The following COL5A2 variants were observed in gnomAD, a reference collection of about 807,000 sequenced individuals.
The protein encoded by COL5A2 is collagen alpha-2(V) chain.
Under a neutral mutation model 208.2 loss-of-function variants are expected in COL5A2, and 23 were observed. That is an observed-to-expected ratio of 0.11 (90% CI 0.08 to 0.16). COL5A2 has a LOEUF of 0.16. Ranked by LOEUF, COL5A2 falls within the 10% of genes least tolerant of loss-of-function variation. The pLI, the probability that COL5A2 is intolerant of heterozygous loss-of-function variation, is 1.00. For missense variants in COL5A2, 1,590 were observed against 1,956.4 expected (o/e 0.81, Z 3.53); for synonymous variants, 625 against 628.5 (o/e 0.99, Z 0.08).
At chr2:189,154,612 G>C (rs1371057400) in intron 1 of COL5A2, among the ~76,000 whole-genome samples, 2 of 152,154 alleles carry the variant, frequency 1.3e-5, no homozygotes, top group African/African-American at 4.8e-5. Flanking sequence ...AATGGCCTCT[G>C]TGGCCGTCAA....
intron 17 of COL5A2, 120 bp downstream of exon 17, chr2:189,075,273 C>T: frequency 1.4e-6 from 1 of 701,916 alleles, no homozygotes; most frequent in Non-Finnish European, 2.6e-6. Flanking sequence ...ACTATGTGTC[C>T]ATCAACTTTT....
the COL5A2 span, among the ~76,000 whole-genome samples, chr2:189,363,891 C>T: frequency 6.6e-6 from 1 of 152,178 alleles, no homozygotes; most frequent in Non-Finnish European, 1.5e-5. Flanking sequence ...CCTGCTATAA[C>T]CCACCGTGTT....
At chr2:189,381,682 T>C in the COL5A2 span, among the ~76,000 whole-genome samples, 1 of 152,094 alleles carries the variant, frequency 6.6e-6, no homozygotes, top group South Asian at 2.1e-4. Flanking sequence ...TGCGGTATGT[T>C]ATGCATTCTT....
At chr2:189,185,659 G>A (rs1381695575) in intron 1 of COL5A2, among the ~76,000 whole-genome samples, 1 of 152,164 alleles carries the variant, frequency 6.6e-6, no homozygotes, top group Non-Finnish European at 1.5e-5. Flanking sequence ...CATGTTCTGT[G>A]TAGACCTCTA....
intron 19 of COL5A2, 92 bp from the exon 20 acceptor site, chr2:189,068,362 G>A (rs921399349): frequency 4.6e-5 from 51 of 1,107,534 alleles, no homozygotes; most frequent in Non-Finnish European, 6.4e-5. Flanking sequence ...TCTTCAAAAA[G>A]GAAGTAGAAG....
rs5837121 is a variant in COL5A2 at position 189,058,904 on chromosome 2, A to AT, written c.2086-12dup. 0.012 allele frequency: 15,568 copies of AT among 1,245,530 alleles called. 65 individuals are homozygous for AT. Among genetic ancestry groups the AT allele is most frequent in the South Asian group, 0.087 (6,448 of 74,072 alleles). The allele number at this position is 1,245,530 out of a possible 1,614,324, so 77.2% of individuals were successfully genotyped here. A position where few individuals can be genotyped will look rare whatever the true frequency, so the allele number is the denominator to read the frequency against. ...ATCTCCAGGAACACCCTATAAACACATTTTTTTTTTTTAATGGAACAAGAG... is the reference window on the plus strand; with the variant it reads ...ATCTCCAGGAACACCCTATAAACACATTTTTTTTTTTTTAATGGAACAAGAG... On this transcript the variant is annotated splice_polypyrimidine_tract_variant and intron_variant, in intron 31 of 53. Coordinates refer to ENST00000374866, the MANE Select transcript of COL5A2 (RefSeq NM_000393.5).
At chr2:189,401,508 T>C in the COL5A2 span, among the ~76,000 whole-genome samples, 35 of 152,314 alleles carry the variant, frequency 2.3e-4, no homozygotes, top group South Asian at 6.0e-3. Context: ...CTATTGTGAA[T>C]AGTGCTGCAG....
At chr2:189,249,020 A>T in the COL5A2 span, among the ~76,000 whole-genome samples, 1 of 152,142 alleles carries the variant, frequency 6.6e-6, no homozygotes, top group Non-Finnish European at 1.5e-5. Flanking sequence ...CAATTTTTTA[A>T]AATTATTTGT....
At chr2:189,159,948 G>T (rs938129538) in intron 1 of COL5A2, among the ~76,000 whole-genome samples, 2 of 151,944 alleles carry the variant, frequency 1.3e-5, no homozygotes, top group East Asian at 3.9e-4. Context: ...ACAGTAAATT[G>T]TATTTTTTCC....
rs759091135 is a variant in COL5A2, at chr2:189,053,497, A to C, written c.2500-20T>G. 1.9e-6 allele frequency: 3 copies of C among 1,608,476 alleles called. No homozygotes were observed. Among genetic ancestry groups the C allele is most frequent in the Non-Finnish European group, 2.6e-6 (3 of 1,175,006 alleles). On this transcript the variant is annotated intron_variant, in intron 37 of 53. Coordinates refer to ENST00000374866, the MANE Select transcript of COL5A2 (RefSeq NM_000393.5). Reference sequence around the variant, plus strand: ...AGAACCCTAGGAGGAGACAAAGATTACTGTAGCTTTCACACATTATCCTAA... The same window carrying C: ...AGAACCCTAGGAGGAGACAAAGATTCCTGTAGCTTTCACACATTATCCTAA...
Position 189,034,042 on chromosome 2 carries a change from G to C in COL5A2, c.*28C>G, listed in dbSNP as rs763725656. The stretch of plus-strand genomic sequence containing the variant: ...AATGGCGGTGGTCATTGATGGTGGT[G>C]CTCATTGTCGATGTGTCTTGGCTTA... On this transcript the variant is annotated 3_prime_UTR_variant, in exon 54 of 54. Coordinates refer to ENST00000374866, the MANE Select transcript of COL5A2 (RefSeq NM_000393.5). 1 of 1,613,492 alleles carries C rather than the reference G, an allele frequency of 6.2e-7. No individual in the cohort carries two copies. Among genetic ancestry groups the C allele is most frequent in the African/African-American group, 1.3e-5 (1 of 74,876 alleles).
intron 50 of COL5A2, 135 bp downstream of exon 50, chr2:189,041,451 C>A: frequency 1.3e-6 from 1 of 757,674 alleles, no homozygotes; most frequent in Non-Finnish European, 2.4e-6. Flanking sequence ...GTTACTTATA[C>A]TCTTGTGTGA....
intron 20 of COL5A2, 36 bp downstream of exon 20, chr2:189,068,190 C>T (rs779331636): frequency 3.7e-6 from 6 of 1,610,968 alleles, no homozygotes; most frequent in Middle Eastern, 3.3e-4. Flanking sequence ...GAATCATGCC[C>T]ATTTGAGCTT....
intron 21 of COL5A2, 50 bp from the exon 22 acceptor site, chr2:189,066,832 C>T: frequency 7.3e-7 from 1 of 1,379,290 alleles, no homozygotes; most frequent in Non-Finnish European, 1.0e-6. Context: ...TTAGCTAGTC[C>T]AATCTGCTCA....
chr2:189,347,193 A>C, the COL5A2 span, among the ~76,000 whole-genome samples: 5,546 of 152,298 alleles, frequency 0.036, 118 homozygotes, highest in Admixed American at 0.05. Context: ...AATTACTTGC[A>C]CAACTTTGCT....
the COL5A2 span, among the ~76,000 whole-genome samples, chr2:189,270,602 G>A: frequency 0.88 from 133,213 of 152,132 alleles, 58,826 homozygotes; most frequent in East Asian, 0.99. Flanking sequence ...TGTTTGTTAC[G>A]ACTTCCATTC....
upstream of COL5A2, among the ~76,000 whole-genome samples, chr2:189,184,183 G>A (rs547566921): frequency 2.6e-5 from 4 of 152,208 alleles, no homozygotes; most frequent in South Asian, 8.3e-4. Context: ...GAGTTGCTCA[G>A]GAGTTGGTGG....
At chr2:189,436,646 T>G in the COL5A2 span, among the ~76,000 whole-genome samples, 4 of 152,088 alleles carry the variant, frequency 2.6e-5, no homozygotes, top group Admixed American at 2.0e-4. Flanking sequence ...ATGGTACATA[T>G]ACACTATGGA....
chr2:189,064,915 T>C (rs1302166245), intron 24 of COL5A2, 89 bp downstream of exon 24: 1 of 1,256,306 alleles, frequency 8.0e-7, no homozygotes, highest in Non-Finnish European at 1.2e-6. Context: ...TCTGAGCCCA[T>C]GCAGGCCATA....
Sources: allele counts gnomAD v4.1 joint callset (sites outside exome capture counted in the v4.1 genomes callset), GRCh38; gene constraint gnomAD v4.1.1; transcripts MANE v1.5; gene names NCBI Gene and HGNC (gene_info 2026-07-23, HGNC 2026-07-21).